RBFOX1: variants seen among roughly 807,000 people sequenced by gnomAD.
RBFOX1 encodes RNA binding fox-1 homolog 1.
A neutral mutation model predicts 57.7 loss-of-function variants in RBFOX1; 8 were observed. That is an observed-to-expected ratio of 0.14 (90% CI 0.08 to 0.25). RBFOX1 has a LOEUF of 0.25. Ranked by LOEUF, RBFOX1 falls within the 10% of genes least tolerant of loss-of-function variation. RBFOX1 has a pLI of 1.00. For synonymous variants in RBFOX1, 326 were observed against 222.4 expected (o/e 1.47, Z -4.15); for missense variants, 611 against 548.5 (o/e 1.11, Z -1.14).
chr16:6,165,046 G>C (rs2096907230), intron 1 of RBFOX1, among the ~76,000 whole-genome samples: 1 of 152,028 alleles, frequency 6.6e-6, no homozygotes, highest in Admixed American at 6.6e-5. Context: ...TAAGCATTTG[G>C]ATTCTGATTC....
chr16:5,478,501 G>A (rs2069409727), intron 2 of RBFOX1, among the ~76,000 whole-genome samples: 1 of 152,162 alleles, frequency 6.6e-6, no homozygotes, highest in African/African-American at 2.4e-5. Flanking sequence ...AAATCATCAA[G>A]CATTTAGAAT....
chr16:5,850,897 A>G (rs543255751), intron 3 of RBFOX1, among the ~76,000 whole-genome samples: 5 of 152,316 alleles, frequency 3.3e-5, no homozygotes, highest in Admixed American at 2.6e-4. Context: ...ATGGCTTTTT[A>G]AAGGCTGGGA....
At chr16:6,736,684 A>G (rs1221519289) in intron 3 of RBFOX1, among the ~76,000 whole-genome samples, 1 of 152,174 alleles carries the variant, frequency 6.6e-6, no homozygotes. Context: ...CAGTAGTGGG[A>G]TTGCTGGATC....
In RBFOX1 at chr16:6,390,446, A is replaced by G. The variant is rs77960644; in HGVS notation, c.-64+73389A>G. 4.8e-3 allele frequency among the ~76,000 whole-genome samples: 734 copies of G among 152,136 alleles called. 12 individuals carry two copies. Among genetic ancestry groups the G allele is most frequent in the African/African-American group, 0.016 (676 of 41,482 alleles). The stretch of plus-strand genomic sequence containing the variant: ...ATCAATTTTTTAAAAAATGTTTTGG[A>G]TGACTTCAGTGTGCCGGGCACTGTG... On this transcript the variant is annotated intron_variant, in intron 2 of 15. Coordinates refer to ENST00000550418, the MANE Select transcript of RBFOX1 (RefSeq NM_018723.4).
At chr16:7,346,408 G>T (rs965337075) in intron 4 of RBFOX1, among the ~76,000 whole-genome samples, 1 of 152,036 alleles carries the variant, frequency 6.6e-6, no homozygotes. Flanking sequence ...TCATTAAGGA[G>T]CATTTTGTAC....
At position 7,393,388 on chromosome 16, in the gene RBFOX1, C is replaced by G. The variant is rs749203367; in HGVS notation, c.28-124759C>G. ...ATCCACAAGTTTTCTTTGGTATCTT[C>G]ACTGTATGAAAAACCCAACTATAAT... On this transcript the variant is annotated intron_variant, in intron 4 of 15. Transcript: ENST00000550418. 6.1e-4 allele frequency among the ~76,000 whole-genome samples: 93 copies of G among 152,296 alleles called. 1 individual carries two copies. Among genetic ancestry groups the G allele is most frequent in the Non-Finnish European group, 8.4e-4 (57 of 68,032 alleles).
rs185483902 is a variant in RBFOX1 at position 6,675,921 on chromosome 16, T to C, written c.-16+21271T>C. Among the ~76,000 whole-genome samples, 864 of 152,130 alleles carry C rather than the reference T, an allele frequency of 5.7e-3. 11 individuals carry two copies. The highest frequency in any genetic ancestry group is 0.02 in the African/African-American group (824 of 41,494). ...ACCATATCACATGGGATGTGGTATT[T>C]GTCCAGGCCTGAGACCCTTGTGAAT... On this transcript the variant is annotated intron_variant, in intron 3 of 15. Transcript: ENST00000550418.
At chr16:6,037,997 A>G (rs900501625) in intron 1 of RBFOX1, 4 of 152,156 alleles carry the variant, frequency 2.6e-5, no homozygotes, top group East Asian at 1.9e-4. Flanking sequence ...ATACTTAGGC[A>G]TGATACATTA....
chr16:7,676,737 G>T, intron 13 of RBFOX1, 37 bp from the exon 14 acceptor site: 2 of 1,580,354 alleles, frequency 1.3e-6, no homozygotes, highest in Non-Finnish European at 1.7e-6. Context: ...ATTGGGCTCC[G>T]CTACATTCCT....
intron 3 of RBFOX1, among the ~76,000 whole-genome samples, chr16:6,933,760 G>A (rs2076936084): frequency 6.6e-6 from 1 of 152,216 alleles, no homozygotes; most frequent in Non-Finnish European, 1.5e-5. Flanking sequence ...GAGTGGGGAA[G>A]AAGTATGGTC....
intron 3 of RBFOX1, among the ~76,000 whole-genome samples, chr16:6,862,211 C>A (rs1403249583): frequency 1.3e-5 from 2 of 152,022 alleles, no homozygotes; most frequent in African/African-American, 2.4e-5. Flanking sequence ...AAGTACTGAC[C>A]CTTACTCTAG....
At chr16:5,295,114 C>G (rs1468713509) in intron 1 of RBFOX1, among the ~76,000 whole-genome samples, 2 of 150,300 alleles carry the variant, frequency 1.3e-5, no homozygotes, top group African/African-American at 4.9e-5. Flanking sequence ...TGGCATTTGT[C>G]AGAAATACAT....
intron 1 of RBFOX1, among the ~76,000 whole-genome samples, chr16:5,399,314 C>A (rs560051453): frequency 8.5e-5 from 13 of 152,276 alleles, no homozygotes; most frequent in Admixed American, 7.2e-4. Flanking sequence ...CTTGATTTAT[C>A]TGTTTTTGAG....
chr16:5,387,829 A>G (rs2066297533), intron 1 of RBFOX1, among the ~76,000 whole-genome samples: 1 of 152,178 alleles, frequency 6.6e-6, no homozygotes, highest in South Asian at 2.1e-4. Flanking sequence ...AGATAGGAAG[A>G]GTATCTGGGA....
At chr16:6,609,263 C>A (rs143077964) in intron 2 of RBFOX1, among the ~76,000 whole-genome samples, 1 of 152,302 alleles carries the variant, frequency 6.6e-6, no homozygotes, top group East Asian at 1.9e-4. Flanking sequence ...TAGTAAAGTT[C>A]TTAGCACAGT....
At chr16:6,416,898 T>G (rs906108100) in intron 2 of RBFOX1, among the ~76,000 whole-genome samples, 2 of 152,228 alleles carry the variant, frequency 1.3e-5, no homozygotes, top group African/African-American at 2.4e-5. Context: ...CCAATAAGTG[T>G]GTTTGCCATT....
chr16:6,662,578 G>A (rs1198117186), intron 3 of RBFOX1, among the ~76,000 whole-genome samples: 1 of 152,014 alleles, frequency 6.6e-6, no homozygotes, highest in Non-Finnish European at 1.5e-5. Flanking sequence ...AAATCACGTA[G>A]TAGGGAAGTT....
intron 2 of RBFOX1, chr16:6,483,234 C>G (rs1214512484): frequency 8.1e-7 from 1 of 1,232,504 alleles, no homozygotes; most frequent in Non-Finnish European, 1.0e-6. Context: ...CGGGCCCTGG[C>G]GCCGCCGTGG....
chr16:6,639,894 AAAAC>A (rs2098473395), intron 2 of RBFOX1, among the ~76,000 whole-genome samples: 1 of 152,078 alleles, frequency 6.6e-6, no homozygotes, highest in South Asian at 2.1e-4. Context: ...CAAAAAACAA[AAAAC>A]AAAACCAAAA....
Sources: gnomAD v4.1 joint callset for allele counts (sites outside exome capture counted in the v4.1 genomes callset) on GRCh38, gnomAD v4.1.1 for gene constraint, MANE v1.5 for transcripts, NCBI Gene and HGNC (gene_info 2026-07-23, HGNC 2026-07-21) for gene names.